The following FERRY3 variants were observed in gnomAD, a reference collection of about 807,000 sequenced individuals.
The protein encoded by FERRY3 is protein C12orf4.
At chr12:4,520,177 C>T in the FERRY3 span, among the ~76,000 whole-genome samples, 1 of 152,198 alleles carries the variant, frequency 6.6e-6, no homozygotes, top group Non-Finnish European at 1.5e-5. Flanking sequence ...TAGAATAGGT[C>T]GGAGCCACAG....
At chr12:4,500,384 A>AGTC in the FERRY3 span, 1 of 1,537,530 alleles carries the variant, frequency 6.5e-7, no homozygotes, top group Non-Finnish European at 9.0e-7. Flanking sequence ...TGCCTAAGTA[A>AGTC]GTCACATTCA....
At chr12:4,532,328 A>G in the FERRY3 span, among the ~76,000 whole-genome samples, 3 of 152,144 alleles carry the variant, frequency 2.0e-5, no homozygotes, top group Non-Finnish European at 4.4e-5. Context: ...TACAGCATAC[A>G]GCATAAACGC....
chr12:4,509,639 C>T, the FERRY3 span, among the ~76,000 whole-genome samples: 1 of 143,666 alleles, frequency 7.0e-6, no homozygotes, highest in East Asian at 1.9e-4. Flanking sequence ...CAGGGGTACA[C>T]TGACACCTCA....
chr12:4,535,838 T>C, the FERRY3 span, among the ~76,000 whole-genome samples: 10 of 152,256 alleles, frequency 6.6e-5, 1 homozygote, highest in South Asian at 1.2e-3. The surrounding 1 kb of genome is among the most constrained non-coding windows in gnomAD (Gnocchi z 4.0). Context: ...CTACCACTTA[T>C]AGGAAAAAAC....
the FERRY3 span, among the ~76,000 whole-genome samples, chr12:4,523,259 A>G: frequency 1.3e-5 from 2 of 152,348 alleles, no homozygotes; most frequent in East Asian, 1.9e-4. Flanking sequence ...AAGTCACAAT[A>G]AAAACATTAT....
chr12:4,531,543 C>T, the FERRY3 span, among the ~76,000 whole-genome samples: 74 of 152,166 alleles, frequency 4.9e-4, no homozygotes, highest in Non-Finnish European at 8.1e-4. Flanking sequence ...ACCTAATTTA[C>T]GCCACTCCCT....
At chr12:4,534,348 A>G in the FERRY3 span, 9 of 1,528,450 alleles carry the variant, frequency 5.9e-6, no homozygotes, top group Admixed American at 1.1e-4. Flanking sequence ...ATCCAGGTAT[A>G]AATAGGGAAC....
chr12:4,489,943 T>C, the FERRY3 span: 6 of 1,268,756 alleles, frequency 4.7e-6, no homozygotes, highest in Non-Finnish European at 6.8e-6. Flanking sequence ...AAATCATCAT[T>C]GATTTTAAAA....
the FERRY3 span, among the ~76,000 whole-genome samples, chr12:4,524,278 T>C: frequency 6.6e-6 from 1 of 152,166 alleles, no homozygotes; most frequent in African/African-American, 2.4e-5. Context: ...AAAAGGCTCG[T>C]TGGAAAATAA....
At chr12:4,494,099 T>A in the FERRY3 span, among the ~76,000 whole-genome samples, 55 of 151,942 alleles carry the variant, frequency 3.6e-4, no homozygotes, top group African/African-American at 1.2e-3. Flanking sequence ...TCTCAAAAAA[T>A]AAATAAATAA....
chr12:4,499,151 T>C, the FERRY3 span, among the ~76,000 whole-genome samples: 1 of 152,240 alleles, frequency 6.6e-6, no homozygotes, highest in South Asian at 2.1e-4. Context: ...ATCAAACTTC[T>C]TTCCTGACAA....
chr12:4,508,505 G>T, the FERRY3 span, among the ~76,000 whole-genome samples: 1 of 152,164 alleles, frequency 6.6e-6, no homozygotes, highest in Admixed American at 6.5e-5. Context: ...AGCACTTTGG[G>T]AGGCCAAGGT....
the FERRY3 span, chr12:4,536,176 T>C: frequency 1.3e-6 from 2 of 1,587,130 alleles, no homozygotes; most frequent in Non-Finnish European, 1.7e-6. Context: ...TTGCAGAATC[T>C]TTCTCTGTTT....
At chr12:4,527,500 T>G in the FERRY3 span, among the ~76,000 whole-genome samples, 1 of 152,164 alleles carries the variant, frequency 6.6e-6, no homozygotes, top group Admixed American at 6.5e-5. Context: ...TCATTATAAC[T>G]TGTATTATTG....
At chr12:4,530,579 C>T in the FERRY3 span, among the ~76,000 whole-genome samples, 2 of 152,108 alleles carry the variant, frequency 1.3e-5, no homozygotes, top group Non-Finnish European at 2.9e-5. Context: ...TGGTCACCTG[C>T]GAATGAAAGC....
At chr12:4,505,201 C>T in the FERRY3 span, 1 of 726,186 alleles carries the variant, frequency 1.4e-6, no homozygotes, top group South Asian at 1.6e-5. Context: ...GATATAATGA[C>T]ATATACTAAA....
the FERRY3 span, among the ~76,000 whole-genome samples, chr12:4,504,504 A>C: frequency 6.6e-6 from 1 of 152,326 alleles, no homozygotes; most frequent in South Asian, 2.1e-4. Context: ...GAAAAATGGA[A>C]AGCAGAAAAA....
the FERRY3 span, among the ~76,000 whole-genome samples, chr12:4,509,599 C>T: frequency 0.11 from 14,321 of 130,054 alleles, 1,693 homozygotes; most frequent in African/African-American, 0.29. Context: ...CCCTGACCCC[C>T]GAGCAGCCTA....
chr12:4,530,639 T>C, the FERRY3 span, among the ~76,000 whole-genome samples: 1 of 152,338 alleles, frequency 6.6e-6, no homozygotes, highest in South Asian at 2.1e-4. Flanking sequence ...ATGCATTTAG[T>C]TTGACCTTTT....
Sources: allele counts gnomAD v4.1 joint callset (sites outside exome capture counted in the v4.1 genomes callset), GRCh38; gene constraint gnomAD v4.1.1; non-coding constraint Gnocchi (gnomAD v3.1); transcripts MANE v1.5; gene names NCBI Gene and HGNC (gene_info 2026-07-23, HGNC 2026-07-21).